Variants in ADGRV1 observed in about 807,000 individuals in gnomAD.
ADGRV1 encodes the protein adhesion G protein-coupled receptor V1.
ADGRV1 carries 359 observed loss-of-function variants against 596.2 expected under a neutral mutation model. The ratio of observed to expected loss-of-function variants is 0.60; its 90% confidence interval spans 0.55 to 0.66. ADGRV1 has a LOEUF of 0.66. Ranked by LOEUF, ADGRV1 falls within the 30% of genes least tolerant of loss-of-function variation. The probability of loss-of-function intolerance (pLI) is 0.00; values close to 1 mark genes in which losing one functional copy is unlikely to be tolerated. For missense variants in ADGRV1, 7,274 were observed against 7,575.6 expected (o/e 0.96, Z 1.48); for synonymous variants, 2,681 against 2,679.2 (o/e 1.00, Z -0.02).
chr5:91,087,554 G>A (rs1034189580), intron 86 of ADGRV1, among the ~76,000 whole-genome samples: 4 of 151,922 alleles, frequency 2.6e-5, no homozygotes, highest in East Asian at 1.9e-4. Flanking sequence ...CACCTGCCTC[G>A]GCCTCCCGAA....
chr5:90,926,821 C>G (rs1369064264), intron 83 of ADGRV1, among the ~76,000 whole-genome samples: 1 of 151,320 alleles, frequency 6.6e-6, no homozygotes, highest in Non-Finnish European at 1.5e-5. Flanking sequence ...CCCAGAGATT[C>G]TGGTATGTTG....
At chr5:90,605,448 A>C (rs1238994721) in intron 1 of ADGRV1, among the ~76,000 whole-genome samples, 1 of 151,572 alleles carries the variant, frequency 6.6e-6, no homozygotes, top group Non-Finnish European at 1.5e-5. Flanking sequence ...AATAGAAAAA[A>C]CTTTGTGTAT....
chr5:90,686,052 A>G (rs751725609), intron 29 of ADGRV1, 57 bp downstream of exon 29: 3 of 1,105,882 alleles, frequency 2.7e-6, no homozygotes, highest in Admixed American at 3.0e-5. Flanking sequence ...ACAGAGGGAC[A>G]TGTATCCTTG....
At chr5:91,080,908 A>G (rs1418885273) in intron 86 of ADGRV1, among the ~76,000 whole-genome samples, 1 of 152,188 alleles carries the variant, frequency 6.6e-6, no homozygotes, top group African/African-American at 2.4e-5. Context: ...ATGCAGTCAG[A>G]TATGTAACTC....
At chr5:90,703,816 C>G in intron 35 of ADGRV1, 21 bp downstream of exon 35, 1 of 1,547,656 alleles carries the variant, frequency 6.5e-7, no homozygotes. Context: ...AAAGAAAAGT[C>G]GATCACAAAT....
At chr5:90,662,816 A>G (rs1367404389) in intron 21 of ADGRV1, among the ~76,000 whole-genome samples, 1 of 151,508 alleles carries the variant, frequency 6.6e-6, no homozygotes. Context: ...CTGTGTCCAT[A>G]TGATCTCATT....
In ADGRV1 at chr5:90,771,892, A is replaced by G. The variant is rs1208396949; in HGVS notation, c.12286-2294A>G. 2.0e-5 allele frequency among the ~76,000 whole-genome samples: 3 copies of G among 152,110 alleles called. No individual in the cohort carries two copies. In the East Asian group the frequency reaches 5.8e-4, roughly 29 times the overall value. On this transcript the variant is annotated intron_variant, in intron 59 of 89. Coordinates refer to ENST00000405460, the MANE Select transcript of ADGRV1 (RefSeq NM_032119.4). ...TTTAATATACTGAATTCCATTTTGA[A>G]TCTCTAATATTCGGAATTTATTCCC...
intron 85 of ADGRV1, among the ~76,000 whole-genome samples, chr5:90,999,626 A>G (rs1781701360): frequency 6.6e-6 from 1 of 152,092 alleles, no homozygotes; most frequent in Non-Finnish European, 1.5e-5. Flanking sequence ...TTCCCATTAC[A>G]AATTTTAGTG....
intron 76 of ADGRV1, 31 bp downstream of exon 76, chr5:90,823,627 C>G: frequency 6.4e-7 from 1 of 1,552,054 alleles, no homozygotes; most frequent in African/African-American, 1.4e-5. Flanking sequence ...CTAGTGTCAA[C>G]TTCTAATTAT....
chr5:90,810,723 A>G lies in ADGRV1; in HGVS notation c.15463A>G (p.Thr5155Ala), dbSNP rs1246817471. ...TGACACAACTCTCATTCCTGTAGAA[A>G]CTGAATCCACCACATACCTCAGCAC... ...AVDTTLIPVE[T>A]ESTTYLSTSK... The change falls in exon 74 of 90, where the codon ACT becomes GCT. Residue 5155 changes from threonine to alanine, a missense_variant. By Grantham distance (58) the Thr-to-Ala change is moderately conservative. Coordinates refer to ENST00000405460, the MANE Select transcript of ADGRV1 (RefSeq NM_032119.4). 4.3e-6 allele frequency: 7 copies of G among 1,613,906 alleles called. No homozygotes were observed. Among genetic ancestry groups the G allele is most frequent in the South Asian group, 1.1e-5 (1 of 91,052 alleles).
chr5:91,150,009 C>CTTTTTTTTTTTTTT, intron 87 of ADGRV1, 21 bp from the exon 88 acceptor site: 1 of 1,288,700 alleles, frequency 7.8e-7, no homozygotes, highest in South Asian at 1.6e-5. Flanking sequence ...CTTTTCTTTT[C>CTTTTTTTTTTTTTT]TTTTTTTTTT....
intron 40 of ADGRV1, 51 bp from the exon 41 acceptor site, chr5:90,711,133 A>G: frequency 6.3e-7 from 1 of 1,581,644 alleles, no homozygotes; most frequent in South Asian, 1.2e-5. Flanking sequence ...AAAGTTTCTA[A>G]GGGAAAAATT....
chr5:90,824,921 T>C (rs1167774466), intron 76 of ADGRV1, among the ~76,000 whole-genome samples: 1 of 151,988 alleles, frequency 6.6e-6, no homozygotes, highest in Non-Finnish European at 1.5e-5. Flanking sequence ...CCATCAACCC[T>C]CTCAACCCCA....
At position 90,712,443 on chromosome 5, in the gene ADGRV1, C is replaced by T; in HGVS notation, c.9184+15C>T. The T allele has an allele frequency of 6.4e-7, 1 of 1,559,734 alleles. No individual in the cohort carries two copies. The highest frequency in any genetic ancestry group is 8.7e-7 in the Non-Finnish European group (1 of 1,145,118). On this transcript the variant is annotated intron_variant, in intron 42 of 89. Coordinates refer to ENST00000405460, the MANE Select transcript of ADGRV1 (RefSeq NM_032119.4). ...AAATACAATAGGTAATTAATAATTTCTTATAAACAGCTTCCTCTCCTTCAT... is the reference window on the plus strand; with the variant it reads ...AAATACAATAGGTAATTAATAATTTTTTATAAACAGCTTCCTCTCCTTCAT...
intron 83 of ADGRV1, among the ~76,000 whole-genome samples, chr5:90,902,466 T>G (rs933441720): frequency 6.6e-6 from 1 of 152,132 alleles, no homozygotes; most frequent in African/African-American, 2.4e-5. Context: ...ATATGTTGCC[T>G]CCTTGCTGTG....
intron 85 of ADGRV1, among the ~76,000 whole-genome samples, chr5:91,051,376 A>G (rs1389458468): frequency 6.6e-6 from 1 of 152,156 alleles, no homozygotes; most frequent in African/African-American, 2.4e-5. Context: ...AGTATTTAAT[A>G]AATTACATGA....
intron 23 of ADGRV1, 163 bp downstream of exon 23, chr5:90,674,397 G>T: frequency 2.4e-6 from 1 of 423,292 alleles, no homozygotes; most frequent in South Asian, 1.1e-4. Flanking sequence ...GAGAGACATT[G>T]TTTATGAGAG....
intron 21 of ADGRV1, 47 bp downstream of exon 21, chr5:90,658,325 GT>G: frequency 2.7e-6 from 4 of 1,463,640 alleles, no homozygotes; most frequent in Non-Finnish European, 3.6e-6. Context: ...TTCATTGTAG[GT>G]GGATTTGTTT....
In ADGRV1 at chr5:90,838,284, C is replaced by T. The variant is rs571727418; in HGVS notation, c.16612-2294C>T. Among the ~76,000 whole-genome samples, 10 of 151,842 alleles carry T rather than the reference C, an allele frequency of 6.6e-5. No homozygotes were observed. The East Asian group carries it at 1.7e-3, about 27-fold the overall frequency. ...TTTTTGACACAATCAATCACTTCCT[C>T]CTTCCTGAAGAATGCTCTTCTTTGG... On this transcript the variant is annotated intron_variant, in intron 77 of 89. Transcript: ENST00000405460.
Sources: gnomAD v4.1 joint callset for allele counts (sites outside exome capture counted in the v4.1 genomes callset) on GRCh38, gnomAD v4.1.1 for gene constraint, MANE v1.5 for transcripts, NCBI Gene and HGNC (gene_info 2026-07-23, HGNC 2026-07-21) for gene names.